PPP1R21: variants seen among roughly 807,000 people sequenced by gnomAD.
PPP1R21 encodes the protein KLRAQ motif containing 1.
Under a neutral mutation model 112.8 loss-of-function variants are expected in PPP1R21, and 85 were observed. The ratio of observed to expected loss-of-function variants is 0.75; its 90% confidence interval spans 0.63 to 0.90. The LOEUF (loss-of-function observed/expected upper bound fraction) is 0.90, where lower values mean the gene tolerates loss of function less well. PPP1R21 is among the 40% of genes least tolerant of loss of function. PPP1R21 has a pLI of 0.00. For synonymous variants in PPP1R21, 381 were observed against 322.3 expected (o/e 1.18, Z -1.95); for missense variants, 1,199 against 901.5 (o/e 1.33, Z -4.23).
intron 12 of PPP1R21, among the ~76,000 whole-genome samples, chr2:48,475,152 A>G (rs998126534): frequency 1.1e-4 from 17 of 152,082 alleles, no homozygotes; most frequent in African/African-American, 2.2e-4. Flanking sequence ...CAGGAGTTCA[A>G]GACCATCCTG....
chr2:48,490,763 A>G (rs1004058576), intron 14 of PPP1R21, among the ~76,000 whole-genome samples: 1 of 152,206 alleles, frequency 6.6e-6, no homozygotes. Context: ...CTTGGTTTTC[A>G]GGAAGAATAG....
chr2:48,451,825 C>T (rs1300295138), intron 2 of PPP1R21, among the ~76,000 whole-genome samples: 1 of 152,202 alleles, frequency 6.6e-6, no homozygotes, highest in African/African-American at 2.4e-5. Flanking sequence ...CCTCTTACTT[C>T]TGTCTCTTTT....
intron 3 of PPP1R21, among the ~76,000 whole-genome samples, chr2:48,457,680 C>G (rs10199764): frequency 1.3e-5 from 2 of 151,962 alleles, no homozygotes; most frequent in Non-Finnish European, 2.9e-5. Flanking sequence ...TATAAACTTA[C>G]CTTTGTGGAT....
intron 16 of PPP1R21, among the ~76,000 whole-genome samples, chr2:48,496,400 C>T (rs78828801): frequency 0.025 from 3,790 of 152,006 alleles, 168 homozygotes; most frequent in African/African-American, 0.087. Flanking sequence ...GGTGTTGCCC[C>T]ATACCCTAGA....
intron 1 of PPP1R21, 33 bp downstream of exon 1, chr2:48,441,043 C>T: frequency 2.0e-6 from 3 of 1,515,814 alleles, no homozygotes; most frequent in East Asian, 2.3e-5. Context: ...AGGGGGTCCC[C>T]CGCCCTGCGG....
At chr2:48,492,670 T>C (rs1669624340) in intron 15 of PPP1R21, among the ~76,000 whole-genome samples, 1 of 152,224 alleles carries the variant, frequency 6.6e-6, no homozygotes. Flanking sequence ...TAAGTTTTAA[T>C]AGTAGTTGCT....
chr2:48,489,527 G>A (rs1669460748), intron 14 of PPP1R21, among the ~76,000 whole-genome samples: 1 of 151,050 alleles, frequency 6.6e-6, no homozygotes, highest in African/African-American at 2.4e-5. Flanking sequence ...ATTTTGAAAA[G>A]ATGAGGTCTT....
At position 48,460,084 on chromosome 2, in the gene PPP1R21, C is replaced by G. The variant is rs749238839; in HGVS notation, c.541-11C>G. ...TGAGCCATCTGTGTTTCTTTTTCTT[C>G]TGAAATTCAGGTGAAATCTCAGACT... On this transcript the variant is annotated splice_polypyrimidine_tract_variant and intron_variant, in intron 5 of 21. Coordinates refer to ENST00000294952, the MANE Select transcript of PPP1R21 (RefSeq NM_001135629.3). The G allele has an allele frequency of 6.2e-7, 1 of 1,613,954 alleles. No homozygotes were observed. Among genetic ancestry groups the G allele is most frequent in the East Asian group, 2.2e-5 (1 of 44,884 alleles).
intron 13 of PPP1R21, among the ~76,000 whole-genome samples, chr2:48,485,881 GTATATACTAACTAATATA>G (rs1558487769): frequency 5.6e-4 from 1 of 1,796 alleles, no homozygotes; most frequent in Non-Finnish European, 3.3e-3. Context: ...ATATACAATT[GTATATACTAACTAATATA>G]TACAATTGTA....
chr2:48,484,680 C>A (rs962786083), intron 13 of PPP1R21, among the ~76,000 whole-genome samples: 2 of 152,024 alleles, frequency 1.3e-5, no homozygotes, highest in African/African-American at 4.8e-5. Context: ...CTACACCCAG[C>A]AATTTTTGTA....
At position 48,511,707 on chromosome 2, in the gene PPP1R21, A is replaced by G. The variant is rs560138304; in HGVS notation, c.2313+239A>G. 3.4e-4 allele frequency among the ~76,000 whole-genome samples: 52 copies of G among 151,762 alleles called. 1 individual carries two copies. Among genetic ancestry groups the G allele is most frequent in the African/African-American group, 1.3e-3 (52 of 41,396 alleles). ...TGATACTTCATCTCTACAAAAAAAA[A>G]AAAAAATGAAAAAATAAGCCAAGCA... On this transcript the variant is annotated intron_variant, in intron 21 of 21. Coordinates refer to ENST00000294952, the MANE Select transcript of PPP1R21 (RefSeq NM_001135629.3).
At chr2:48,485,900 TACAATTGTATATACTAACTAATATA>T (rs1298497788) in intron 13 of PPP1R21, among the ~76,000 whole-genome samples, 6 of 146,558 alleles carry the variant, frequency 4.1e-5, no homozygotes, top group Non-Finnish European at 9.0e-5. Flanking sequence ...AACTAATATA[TACAATTGTATATACTAACTAATATA>T]TACAATTGTA....
intron 9 of PPP1R21, among the ~76,000 whole-genome samples, chr2:48,465,948 G>T (rs374961717): frequency 1.3e-5 from 2 of 152,284 alleles, no homozygotes; most frequent in Admixed American, 6.5e-5. Context: ...GGCTGGGGAG[G>T]CCTCACAATC....
At chr2:48,507,050 A>C (rs1406779169) in intron 18 of PPP1R21, among the ~76,000 whole-genome samples, 1 of 152,126 alleles carries the variant, frequency 6.6e-6, no homozygotes, top group African/African-American at 2.4e-5. Context: ...TCTTGAAGCC[A>C]TAACTTCATT....
At chr2:48,500,545 T>TTAAAAA (rs1393784270) in intron 17 of PPP1R21, among the ~76,000 whole-genome samples, 1 of 151,940 alleles carries the variant, frequency 6.6e-6, no homozygotes, top group Non-Finnish European at 1.5e-5. Context: ...TAATAACAAT[T>TTAAAAA]TAAAAATAAA....
chr2:48,500,355 A>T (rs533730133), intron 17 of PPP1R21, among the ~76,000 whole-genome samples: 1 of 152,242 alleles, frequency 6.6e-6, no homozygotes, highest in Non-Finnish European at 1.5e-5. Flanking sequence ...GCTAGCAATT[A>T]TTGAATCTAG....
chr2:48,508,813 C>T (rs2103671098), intron 19 of PPP1R21, among the ~76,000 whole-genome samples: 1 of 152,266 alleles, frequency 6.6e-6, no homozygotes, highest in South Asian at 2.1e-4. Context: ...AAATAAGTAG[C>T]TGAGGAATTT....
At chr2:48,486,957 T>G (rs772179099) in intron 14 of PPP1R21, among the ~76,000 whole-genome samples, 199 bp downstream of exon 14, 3 of 152,204 alleles carry the variant, frequency 2.0e-5, no homozygotes, top group Non-Finnish European at 4.4e-5. Context: ...CTCGCTATGT[T>G]GCCAGGCTTG....
intron 20 of PPP1R21, among the ~76,000 whole-genome samples, chr2:48,510,981 A>C (rs1558533046): frequency 6.6e-6 from 1 of 152,216 alleles, no homozygotes; most frequent in Non-Finnish European, 1.5e-5. Flanking sequence ...CTTAAGCTGC[A>C]TGTCAATTGA....
Sources: allele counts gnomAD v4.1 joint callset (sites outside exome capture counted in the v4.1 genomes callset), GRCh38; gene constraint gnomAD v4.1.1; transcripts MANE v1.5; gene names NCBI Gene and HGNC (gene_info 2026-07-23, HGNC 2026-07-21).